CAMSAP2: variants seen among roughly 807,000 people sequenced by gnomAD.
The protein encoded by CAMSAP2 is calmodulin regulated spectrin associated protein family member 2, also known as calmodulin-regulated spectrin-associated protein 2.
CAMSAP2 carries 26 observed loss-of-function variants against 146.1 expected under a neutral mutation model. The ratio of observed to expected loss-of-function variants is 0.18; its 90% CI spans 0.13 to 0.25. The LOEUF (loss-of-function observed/expected upper bound fraction) is 0.25. Among genes scored for constraint, CAMSAP2 ranks in the 10% least tolerant of loss-of-function variants. The pLI is 1.00. For missense variants in CAMSAP2, 1,381 were observed against 1,759.3 expected (o/e 0.78, Z 3.85); for synonymous variants, 499 against 596.6 (o/e 0.84, Z 2.38).
chr1:200,783,315 A>G (rs749393826), intron 2 of CAMSAP2, among the ~76,000 whole-genome samples: 2 of 152,086 alleles, frequency 1.3e-5, no homozygotes, highest in Non-Finnish European at 2.9e-5. Context: ...TTGTATGCTT[A>G]CTGGTCATTC....
intron 3 of CAMSAP2, among the ~76,000 whole-genome samples, chr1:200,812,449 A>G (rs1050665678): frequency 2.6e-5 from 4 of 152,178 alleles, no homozygotes; most frequent in African/African-American, 9.7e-5. Flanking sequence ...GTTTAAAACA[A>G]TTTGATTCAA....
chr1:200,814,542 G>A (rs1229934251), intron 3 of CAMSAP2, among the ~76,000 whole-genome samples: 4 of 146,510 alleles, frequency 2.7e-5, no homozygotes, highest in Non-Finnish European at 6.0e-5. Flanking sequence ...CCCAGGAGAC[G>A]GAGGCTGCAG....
At chr1:200,767,471 G>T (rs1255478485) in intron 2 of CAMSAP2, among the ~76,000 whole-genome samples, 2 of 127,624 alleles carry the variant, frequency 1.6e-5, no homozygotes, top group Non-Finnish European at 3.2e-5. Context: ...ACTTTGTGTT[G>T]TCCCTCTTTT....
chr1:200,817,221 T>TGTGTGTGTATATACACACATAC (rs1666614620), intron 4 of CAMSAP2, among the ~76,000 whole-genome samples: 1 of 81,000 alleles, frequency 1.2e-5, no homozygotes, highest in African/African-American at 4.3e-5. Flanking sequence ...TACACACATA[T>TGTGTGTGTATATACACACATAC]GTGTGTGTAT....
At chr1:200,818,384 C>A (rs1194678280) in intron 4 of CAMSAP2, among the ~76,000 whole-genome samples, 1 of 152,158 alleles carries the variant, frequency 6.6e-6, no homozygotes, top group Admixed American at 6.5e-5. Flanking sequence ...TGCAGTTGCA[C>A]GTATTAACTG....
At chr1:200,816,680 GTA>G (rs1196042092) in intron 4 of CAMSAP2, among the ~76,000 whole-genome samples, 1 of 142,352 alleles carries the variant, frequency 7.0e-6, no homozygotes, top group Non-Finnish European at 1.5e-5. Context: ...GTATATGTGT[GTA>G]TATGTACATG....
intron 2 of CAMSAP2, among the ~76,000 whole-genome samples, chr1:200,785,057 A>G (rs1201998634): frequency 2.0e-5 from 3 of 152,310 alleles, no homozygotes; most frequent in East Asian, 3.9e-4. Context: ...TAGGTGAGTT[A>G]CGTTGATTTC....
chr1:200,816,617 T>A (rs1666498551), intron 4 of CAMSAP2, among the ~76,000 whole-genome samples: 8 of 135,654 alleles, frequency 5.9e-5, no homozygotes, highest in Non-Finnish European at 9.7e-5. Context: ...TATATATATA[T>A]ATATATATGT....
chr1:200,842,835 G>T (rs558143358), intron 7 of CAMSAP2, among the ~76,000 whole-genome samples: 230 of 152,096 alleles, frequency 1.5e-3, no homozygotes, highest in African/African-American at 4.9e-3. Flanking sequence ...AATTAGCCGG[G>T]CATGTTGGTG....
At chr1:200,796,851 G>C (rs1001617623) in intron 2 of CAMSAP2, among the ~76,000 whole-genome samples, 50 of 151,218 alleles carry the variant, frequency 3.3e-4, no homozygotes, top group African/African-American at 1.1e-3. Context: ...TCCCCAGAGT[G>C]TGATATTCCC....
At chr1:200,753,599 C>A (rs1178717762) in intron 1 of CAMSAP2, among the ~76,000 whole-genome samples, 2 of 152,124 alleles carry the variant, frequency 1.3e-5, no homozygotes, top group Non-Finnish European at 2.9e-5. Context: ...AGGAAAAAAA[C>A]AAATTACACA....
chr1:200,820,261 G>A (rs909782137), intron 4 of CAMSAP2, among the ~76,000 whole-genome samples: 7 of 151,970 alleles, frequency 4.6e-5, no homozygotes, highest in East Asian at 1.9e-4. Flanking sequence ...ATGGGGTTTC[G>A]CCATGTGCTG....
At chr1:200,846,104 C>G (rs1667453751) in intron 8 of CAMSAP2, among the ~76,000 whole-genome samples, 1 of 152,098 alleles carries the variant, frequency 6.6e-6, no homozygotes, top group Non-Finnish European at 1.5e-5. Flanking sequence ...ATTAAAAATA[C>G]ATTTCAAAAA....
intron 6 of CAMSAP2, among the ~76,000 whole-genome samples, chr1:200,836,554 C>T (rs1417785088): frequency 8.1e-6 from 1 of 123,156 alleles, no homozygotes; most frequent in African/African-American, 2.7e-5. Flanking sequence ...AGTGAACATA[C>T]ACATGCATGT....
At chr1:200,814,713 CT>C (rs1666436102) in intron 3 of CAMSAP2, among the ~76,000 whole-genome samples, 1 of 150,116 alleles carries the variant, frequency 6.7e-6, no homozygotes, top group African/African-American at 2.4e-5. Flanking sequence ...CCTAAAAATG[CT>C]TGATAAATAT....
At position 200,832,712 on chromosome 1, in the gene CAMSAP2, G is replaced by A. The variant is rs759422790; in HGVS notation, c.794G>A (p.Cys265Tyr). The change falls in exon 6 of 17, where the codon TGT becomes TAT. Residue 265 changes from cysteine to tyrosine, a missense_variant. Cys to Tyr is a radical substitution (Grantham distance 194). This residue lies in a region of CAMSAP2 where 284 missense variants were observed against 406.9 expected (regional missense o/e 0.70). Coordinates refer to ENST00000358823, the MANE Select transcript of CAMSAP2 (RefSeq NM_203459.4). This position sits in a 1 kb window ranked among gnomAD's most constrained non-coding sequence, Gnocchi z 4.2. ...GCTCTTTTCTTATTTGAAGATATTTGTTTGAAAGAAACTATGTCTTTGGCT... is the reference window on the plus strand; with the variant it reads ...GCTCTTTTCTTATTTGAAGATATTTATTTGAAAGAAACTATGTCTTTGGCT... ...CPDVVRLEDI[C>Y]LKETMSLADS... 1 of 1,594,208 alleles carries A rather than the reference G, an allele frequency of 6.3e-7. No individual in the cohort carries two copies. Among genetic ancestry groups the A allele is most frequent in the South Asian group, 1.2e-5 (1 of 86,120 alleles).
chr1:200,757,833 T>A (rs1408067222), intron 1 of CAMSAP2, among the ~76,000 whole-genome samples: 1 of 152,226 alleles, frequency 6.6e-6, no homozygotes, highest in African/African-American at 2.4e-5. Context: ...ATCCTTTCCC[T>A]TTTCCTTGCA....
At chr1:200,782,500 T>A (rs2103023172) in intron 2 of CAMSAP2, among the ~76,000 whole-genome samples, 1 of 152,290 alleles carries the variant, frequency 6.6e-6, no homozygotes. Flanking sequence ...TAATCTCAGT[T>A]CTGTCGTTGT....
intron 4 of CAMSAP2, among the ~76,000 whole-genome samples, chr1:200,823,991 G>T (rs977537264): frequency 2.0e-5 from 3 of 152,078 alleles, no homozygotes; most frequent in Admixed American, 2.0e-4. Context: ...AAATTTTACA[G>T]CATCAGCCAC....
Sources: gnomAD v4.1 joint callset for allele counts (sites outside exome capture counted in the v4.1 genomes callset) on GRCh38, gnomAD v4.1.1 for gene constraint, gnomAD v4.1.1 regional missense constraint, Gnocchi (gnomAD v3.1) non-coding constraint, MANE v1.5 for transcripts, NCBI Gene and HGNC (gene_info 2026-07-23, HGNC 2026-07-21) for gene names.